Variants in RBFOX3 observed in about 807,000 individuals in gnomAD.
RBFOX3 encodes RNA binding fox-1 homolog 3, also known as RNA binding protein fox-1 homolog 3.
Under a neutral mutation model 48.7 loss-of-function variants are expected in RBFOX3, and 17 were observed. The observed-to-expected ratio is 0.35, with a 90% CI of 0.24 to 0.52. RBFOX3 has a LOEUF of 0.52. Among genes scored for constraint, RBFOX3 ranks in the 20% least tolerant of loss-of-function variants. The pLI is 0.94. For missense variants in RBFOX3, 382 were observed against 497.5 expected (o/e 0.77, Z 2.21); for synonymous variants, 212 against 209.5 (o/e 1.01, Z -0.10).
At chr17:79,578,806 A>G (rs1168586103) in intron 1 of RBFOX3, among the ~76,000 whole-genome samples, 2 of 152,250 alleles carry the variant, frequency 1.3e-5, no homozygotes, top group Admixed American at 6.5e-5. Context: ...TTTGGAGCAC[A>G]GCAGATCATT....
chr17:79,592,771 T>C (rs972299395), intron 1 of RBFOX3, among the ~76,000 whole-genome samples: 4 of 152,190 alleles, frequency 2.6e-5, no homozygotes, highest in African/African-American at 7.2e-5. Flanking sequence ...GACTGGGCAC[T>C]GCGGCATGGG....
At chr17:79,465,489 G>C (rs1239171120) in intron 2 of RBFOX3, among the ~76,000 whole-genome samples, 1 of 151,726 alleles carries the variant, frequency 6.6e-6, no homozygotes, top group Non-Finnish European at 1.5e-5. Context: ...CAGCCTCCTG[G>C]CAATCTGAAC....
intron 1 of RBFOX3, among the ~76,000 whole-genome samples, chr17:79,543,352 G>T (rs1405457973): frequency 3.3e-5 from 5 of 152,156 alleles, no homozygotes; most frequent in African/African-American, 9.7e-5. Flanking sequence ...CGGAGGCTCA[G>T]ATAGGGCCGC....
intron 2 of RBFOX3, among the ~76,000 whole-genome samples, chr17:79,405,290 C>T (rs563911112): frequency 1.8e-4 from 27 of 152,280 alleles, no homozygotes; most frequent in African/African-American, 6.0e-4. Flanking sequence ...CACCCTCCGC[C>T]GCCCGACAAC....
intron 2 of RBFOX3, among the ~76,000 whole-genome samples, chr17:79,430,912 A>T (rs2068316688): frequency 6.6e-6 from 1 of 152,192 alleles, no homozygotes; most frequent in East Asian, 1.9e-4. Context: ...ATAAAGTGAA[A>T]ACAGACACGC....
intron 1 of RBFOX3, among the ~76,000 whole-genome samples, chr17:79,558,317 G>C (rs957945949): frequency 3.9e-5 from 6 of 152,210 alleles, no homozygotes; most frequent in Non-Finnish European, 2.9e-5. Context: ...CTAACACAGA[G>C]AGAGTGAGAG....
intron 1 of RBFOX3, among the ~76,000 whole-genome samples, chr17:79,491,068 G>GGA (rs2080469102): frequency 9.1e-5 from 1 of 10,952 alleles, no homozygotes; most frequent in African/African-American, 5.5e-4. Flanking sequence ...GGAGGGGAGG[G>GGA]GAGGGGAGGC....
chr17:79,355,425 G>A (rs535160525), intron 2 of RBFOX3, among the ~76,000 whole-genome samples: 1 of 152,172 alleles, frequency 6.6e-6, no homozygotes, highest in Non-Finnish European at 1.5e-5. Flanking sequence ...TCCAATGCTT[G>A]TACCCAAGCC....
intron 4 of RBFOX3, among the ~76,000 whole-genome samples, chr17:79,137,896 G>T (rs992654699): frequency 6.6e-6 from 1 of 152,186 alleles, no homozygotes; most frequent in South Asian, 2.1e-4. Flanking sequence ...CGTTCCTGCC[G>T]ACGCTGCACT....
chr17:79,509,858 C>T (rs2083841852), intron 1 of RBFOX3, among the ~76,000 whole-genome samples: 1 of 152,178 alleles, frequency 6.6e-6, no homozygotes, highest in African/African-American at 2.4e-5. Flanking sequence ...TGAGCCTCAG[C>T]TTCCCCAGTT....
chr17:79,504,295 C>T (rs1472376199), intron 1 of RBFOX3, among the ~76,000 whole-genome samples: 1 of 152,262 alleles, frequency 6.6e-6, no homozygotes, highest in Non-Finnish European at 1.5e-5. Context: ...CTCGCCGAGT[C>T]AGAGATCGGC....
At chr17:79,279,502 C>T (rs536923153) in intron 3 of RBFOX3, among the ~76,000 whole-genome samples, 7 of 152,278 alleles carry the variant, frequency 4.6e-5, no homozygotes, top group African/African-American at 1.2e-4. Context: ...ACTGTCACGG[C>T]GGGTTGTGGG....
intron 4 of RBFOX3, among the ~76,000 whole-genome samples, chr17:79,125,639 C>T (rs912191079): frequency 7.9e-5 from 12 of 152,258 alleles, no homozygotes; most frequent in East Asian, 5.8e-4. Flanking sequence ...CGCCTTCCCT[C>T]GGCACAGCCC....
At chr17:79,266,996 G>A (rs928990193) in intron 3 of RBFOX3, among the ~76,000 whole-genome samples, 4 of 152,162 alleles carry the variant, frequency 2.6e-5, no homozygotes, top group East Asian at 3.9e-4. Flanking sequence ...AACCTGAGGC[G>A]GTCATGGGAA....
intron 6 of RBFOX3, among the ~76,000 whole-genome samples, chr17:79,104,768 C>T (rs1283314906): frequency 6.6e-6 from 1 of 151,942 alleles, no homozygotes. Flanking sequence ...GGAAATGGGA[C>T]CCTCAGGCCT....
chr17:79,432,396 C>A (rs782744387), intron 2 of RBFOX3, among the ~76,000 whole-genome samples: 1 of 152,208 alleles, frequency 6.6e-6, no homozygotes, highest in East Asian at 1.9e-4. Flanking sequence ...TTGGGCCAGG[C>A]GGCAAAAGCC....
chr17:79,409,241 T>C (rs2063945868), intron 2 of RBFOX3, among the ~76,000 whole-genome samples: 1 of 152,258 alleles, frequency 6.6e-6, no homozygotes. Context: ...TGTGTGTCCA[T>C]TCTCCAGCTG....
Position 79,103,189 on chromosome 17 carries a change from C to G in RBFOX3, c.480G>C (p.Gly160=). Reference sequence around the variant, plus strand: ...CAATTTTCCGTCCCTCTACGATCGTCCCATTCAGCTTCTCCCGGGCTCGGT... The same window carrying G: ...CAATTTTCCGTCCCTCTACGATCGTGCCATTCAGCTTCTCCCGGGCTCGGT... The part of the protein sequence containing the change: ...DADRAREKLN[G]TIVEGRKIEV... Residue 160 remains glycine (G), a synonymous_variant, in exon 8 of 15, where the codon GGG becomes GGC. Transcript: ENST00000693108. The surrounding 1 kb of genome is among the most constrained non-coding windows in gnomAD (Gnocchi z 6.1). 6.4e-7 allele frequency: 1 copy of G among 1,551,398 alleles called. No individual in the cohort carries two copies. The highest frequency in any genetic ancestry group is 1.2e-5 in the South Asian group (1 of 84,062).
chr17:79,620,343 GCA>G, the RBFOX3 span, among the ~76,000 whole-genome samples: 6 of 136,944 alleles, frequency 4.4e-5, no homozygotes, highest in Middle Eastern at 5.1e-3. Flanking sequence ...ACACAGACAT[GCA>G]CACACACGGA....
Sources: gnomAD v4.1 joint callset for allele counts (sites outside exome capture counted in the v4.1 genomes callset) on GRCh38, gnomAD v4.1.1 for gene constraint, Gnocchi (gnomAD v3.1) non-coding constraint, MANE v1.5 for transcripts, NCBI Gene and HGNC (gene_info 2026-07-23, HGNC 2026-07-21) for gene names.